PRKCA: variants seen among roughly 807,000 people sequenced by gnomAD.
PRKCA encodes the protein protein kinase C alpha, also known as protein kinase C alpha type.
Under a neutral mutation model 87.0 loss-of-function variants are expected in PRKCA, and 27 were observed. The ratio of observed to expected loss-of-function variants is 0.31; its 90% confidence interval spans 0.23 to 0.43. The LOEUF (loss-of-function observed/expected upper bound fraction) is 0.43. PRKCA is among the 20% of genes least tolerant of loss of function. The probability of loss-of-function intolerance (pLI) is 1.00; values close to 1 mark genes in which losing one functional copy is unlikely to be tolerated. For synonymous variants in PRKCA, 329 were observed against 311.1 expected (o/e 1.06, Z -0.61); for missense variants, 518 against 852.3 (o/e 0.61, Z 4.88).
chr17:66,307,807 T>A lies in PRKCA; in HGVS notation c.205+1680T>A, dbSNP rs187613672. 3.4e-3 allele frequency among the ~76,000 whole-genome samples: 518 copies of A among 152,282 alleles called. 1 individual carries two copies. The highest frequency in any genetic ancestry group is 0.012 in the African/African-American group (496 of 41,576). ...ACCTAAATTAAAAAAGTGAAACCCA[T>A]AAAAATTTTAAACTGTATAAAATAA... On this transcript the variant is annotated intron_variant, in intron 2 of 16. Transcript: ENST00000413366.
At chr17:66,391,600 G>T (rs1220636882) in intron 2 of PRKCA, among the ~76,000 whole-genome samples, 1 of 152,158 alleles carries the variant, frequency 6.6e-6, no homozygotes, top group East Asian at 1.9e-4. Flanking sequence ...TGGTCACTTA[G>T]TAGCCAAAAC....
At chr17:66,615,085 G>C (rs1429426413) in intron 3 of PRKCA, among the ~76,000 whole-genome samples, 2 of 152,128 alleles carry the variant, frequency 1.3e-5, no homozygotes, top group African/African-American at 4.8e-5. Flanking sequence ...CCAAATGGCT[G>C]TGTAGCTCCA....
intron 2 of PRKCA, 199 bp downstream of exon 2, chr17:66,306,326 G>GTA: frequency 9.4e-6 from 3 of 319,878 alleles, no homozygotes; most frequent in Non-Finnish European, 1.7e-5. Context: ...TTTTCTCATT[G>GTA]GAAAAAAAAA....
chr17:66,576,087 C>T (rs1021955080), intron 3 of PRKCA, among the ~76,000 whole-genome samples: 2 of 152,068 alleles, frequency 1.3e-5, no homozygotes, highest in African/African-American at 2.4e-5. Flanking sequence ...GCACTCCAGC[C>T]TGGGCGACAC....
At chr17:66,493,859 A>G (rs1229627860) in intron 2 of PRKCA, among the ~76,000 whole-genome samples, 2 of 152,206 alleles carry the variant, frequency 1.3e-5, no homozygotes, top group Non-Finnish European at 2.9e-5. Flanking sequence ...AGCAGCCTGC[A>G]TGATGATGGC....
intron 2 of PRKCA, among the ~76,000 whole-genome samples, chr17:66,462,912 G>C (rs781272708): frequency 6.8e-6 from 1 of 146,888 alleles, no homozygotes; most frequent in African/African-American, 2.6e-5. Flanking sequence ...ACACATGCAC[G>C]TGCACACATG....
intron 13 of PRKCA, among the ~76,000 whole-genome samples, chr17:66,765,876 T>C (rs1174577495): frequency 1.3e-5 from 2 of 152,216 alleles, no homozygotes; most frequent in African/African-American, 2.4e-5. Flanking sequence ...GAGAAAGATA[T>C]GCTTTATTCC....
chr17:66,588,752 T>C (rs1969700873), intron 3 of PRKCA, among the ~76,000 whole-genome samples: 1 of 147,620 alleles, frequency 6.8e-6, no homozygotes, highest in Admixed American at 7.1e-5. Context: ...GCAATTCTAG[T>C]GCCCTAGCCT....
chr17:66,426,684 A>G (rs918157472), intron 2 of PRKCA, among the ~76,000 whole-genome samples: 1 of 152,174 alleles, frequency 6.6e-6, no homozygotes, highest in African/African-American at 2.4e-5. Context: ...GACTGCTTTG[A>G]GACAGTCGTG....
At chr17:66,431,876 G>A (rs1913115211) in intron 2 of PRKCA, among the ~76,000 whole-genome samples, 1 of 152,116 alleles carries the variant, frequency 6.6e-6, no homozygotes, top group African/African-American at 2.4e-5. Context: ...GGCCAAATTG[G>A]CACTGGGTAA....
intron 14 of PRKCA, among the ~76,000 whole-genome samples, chr17:66,779,227 GAAAA>G (rs1355333020): frequency 6.6e-6 from 1 of 152,066 alleles, no homozygotes; most frequent in Non-Finnish European, 1.5e-5. Context: ...AGATGAGCAG[GAAAA>G]AAATAGTTTA....
intron 3 of PRKCA, among the ~76,000 whole-genome samples, chr17:66,499,387 T>C (rs764593617): frequency 3.9e-5 from 6 of 152,188 alleles, no homozygotes; most frequent in Non-Finnish European, 8.8e-5. Flanking sequence ...TGTGATCGTA[T>C]CTCTGTGTTT....
chr17:66,400,352 A>G (rs538558892), intron 2 of PRKCA, among the ~76,000 whole-genome samples: 30 of 152,166 alleles, frequency 2.0e-4, no homozygotes, highest in Non-Finnish European at 3.7e-4. Context: ...CGGTTTTGCC[A>G]TGTTGGCCAG....
intron 2 of PRKCA, among the ~76,000 whole-genome samples, chr17:66,492,169 A>C (rs1255996313): frequency 1.3e-5 from 2 of 152,164 alleles, no homozygotes; most frequent in Non-Finnish European, 2.9e-5. Flanking sequence ...TGCCTCTCAT[A>C]GGGTGAATCC....
chr17:66,608,157 T>C (rs929647914), intron 3 of PRKCA, among the ~76,000 whole-genome samples: 5 of 151,166 alleles, frequency 3.3e-5, no homozygotes, highest in Non-Finnish European at 5.9e-5. Flanking sequence ...TGGAGCACAC[T>C]GACTGAAGCA....
chr17:66,544,410 T>G (rs1175031053), intron 3 of PRKCA, among the ~76,000 whole-genome samples: 2 of 152,018 alleles, frequency 1.3e-5, no homozygotes, highest in African/African-American at 2.4e-5. Context: ...GGACTTAAAG[T>G]GCGTTTTAGA....
chr17:66,406,987 C>T (rs1365792686), intron 2 of PRKCA, among the ~76,000 whole-genome samples: 10 of 152,210 alleles, frequency 6.6e-5, no homozygotes, highest in South Asian at 2.1e-4. Context: ...AGGTCTTTCC[C>T]GTGTGATCTC....
intron 5 of PRKCA, among the ~76,000 whole-genome samples, chr17:66,649,381 A>G (rs777964044): frequency 1.3e-5 from 2 of 152,228 alleles, no homozygotes; most frequent in Admixed American, 6.5e-5. Context: ...TGCTTGCTCT[A>G]TATTTATTGT....
In PRKCA at chr17:66,805,990, A is replaced by C. The variant is rs958071827; in HGVS notation, c.*1953A>C. The C allele has an allele frequency of 1.3e-5, 2 of 152,296 alleles. No individual in the cohort carries two copies. Among genetic ancestry groups the C allele is most frequent in the Non-Finnish European group, 2.9e-5 (2 of 68,090 alleles). 9.4% of individuals were successfully genotyped at this position (152,296 alleles called of 1,614,324 possible). A position where few individuals can be genotyped will look rare whatever the true frequency, so the allele number is the denominator to read the frequency against. ...TGAGACCAACACAGCCGTGCCCTGC[A>C]GGCACCAGCACGTGCTTTTCAGAGG... is the stretch of plus-strand genomic sequence containing the variant. On this transcript the variant is annotated 3_prime_UTR_variant, in exon 17 of 17. Coordinates refer to ENST00000413366, the MANE Select transcript of PRKCA (RefSeq NM_002737.3).
Sources: gnomAD v4.1 joint callset for allele counts (sites outside exome capture counted in the v4.1 genomes callset) on GRCh38, gnomAD v4.1.1 for gene constraint, MANE v1.5 for transcripts, NCBI Gene and HGNC (gene_info 2026-07-23, HGNC 2026-07-21) for gene names.